RARB: variants seen among roughly 807,000 people sequenced by gnomAD.
The protein encoded by RARB is HBV-activated protein.
Under a neutral mutation model 51.9 loss-of-function variants are expected in RARB, and 17 were observed. That is an observed-to-expected ratio of 0.33 (90% CI 0.22 to 0.49). The LOEUF (loss-of-function observed/expected upper bound fraction) is 0.49, where lower values mean the gene tolerates loss of function less well. RARB is among the 20% of genes least tolerant of loss of function. RARB has a pLI of 0.99. For synonymous variants in RARB, 215 were observed against 195.4 expected (o/e 1.10, Z -0.84); for missense variants, 369 against 550.8 (o/e 0.67, Z 3.30).
At position 25,060,123 on chromosome 3, in the gene RARB, A is replaced by G. The variant is rs1213110323; in HGVS notation, c.-379-2A>G. On this transcript the variant is annotated splice_acceptor_variant, in intron 2 of 11. Transcript: ENST00000383772. LOFTEE classifies it low-confidence loss of function (5UTR_SPLICE). ...TGTCTAATCCAGCCACTTATTTTAC[A>G]GATAAAACAGAGTACTGCAGAGATG... 1 of 151,830 alleles carries G rather than the reference A, an allele frequency of 6.6e-6. No homozygotes were observed. The highest frequency in any genetic ancestry group is 2.4e-5 in the African/African-American group (1 of 41,396). The allele number at this position is 151,830 out of a possible 1,614,324, so 9.4% of individuals were successfully genotyped here. A position where few individuals can be genotyped will look rare whatever the true frequency, so the allele number is the denominator to read the frequency against.
intron 2 of RARB, among the ~76,000 whole-genome samples, chr3:25,026,916 A>T (rs931258669): frequency 6.6e-6 from 1 of 152,214 alleles, no homozygotes; most frequent in African/African-American, 2.4e-5. Context: ...TCGTAGTAAG[A>T]TGATTAGGAA....
At chr3:25,294,684 A>G (rs1273620309) in intron 5 of RARB, among the ~76,000 whole-genome samples, 4 of 147,684 alleles carry the variant, frequency 2.7e-5, no homozygotes, top group Non-Finnish European at 6.0e-5. Context: ...GAGAGAGGAG[A>G]GAGACCATAG....
intron 5 of RARB, among the ~76,000 whole-genome samples, chr3:25,247,198 T>C (rs1407525870): frequency 6.6e-6 from 1 of 152,168 alleles, no homozygotes; most frequent in Non-Finnish European, 1.5e-5. Flanking sequence ...CCCAGGTCGA[T>C]TTTAGAGTTC....
upstream of RARB, chr3:25,428,203 C>T (rs941533134): frequency 1.1e-5 from 14 of 1,220,212 alleles, no homozygotes; most frequent in Non-Finnish European, 1.4e-5. Flanking sequence ...GTTAGCAGCC[C>T]GGGTAGGGTT....
At chr3:25,562,519 G>A (rs1700314971) in intron 3 of RARB, among the ~76,000 whole-genome samples, 1 of 152,178 alleles carries the variant, frequency 6.6e-6, no homozygotes. Context: ...CAGAGGAAAT[G>A]TACAAAGAAG....
intron 5 of RARB, among the ~76,000 whole-genome samples, chr3:25,257,849 C>T (rs1702904248): frequency 6.6e-6 from 1 of 152,056 alleles, no homozygotes; most frequent in South Asian, 2.1e-4. Flanking sequence ...CCCCAAATAC[C>T]ATCCGACATT....
chr3:25,513,902 T>G (rs1575477171), intron 3 of RARB, among the ~76,000 whole-genome samples: 1 of 152,194 alleles, frequency 6.6e-6, no homozygotes, highest in South Asian at 2.1e-4. Flanking sequence ...AAATATTGTA[T>G]GTTTTCATCT....
chr3:25,108,250 A>G (rs1699542612), intron 3 of RARB, among the ~76,000 whole-genome samples: 2 of 152,158 alleles, frequency 1.3e-5, no homozygotes, highest in Admixed American at 6.6e-5. Flanking sequence ...GGTGACTGAA[A>G]CCATGGGAAA....
chr3:25,047,793 A>C (rs1412576419), intron 2 of RARB, among the ~76,000 whole-genome samples: 1 of 152,150 alleles, frequency 6.6e-6, no homozygotes, highest in Non-Finnish European at 1.5e-5. Context: ...TCTCACCTGA[A>C]TTATGCAGGT....
intron 5 of RARB, among the ~76,000 whole-genome samples, chr3:25,316,343 C>G (rs1319532035): frequency 1.3e-5 from 2 of 151,648 alleles, no homozygotes; most frequent in African/African-American, 2.4e-5. Context: ...AAACCACAAC[C>G]CTCTAAAACA....
chr3:24,905,758 G>A (rs1694849354), intron 2 of RARB, among the ~76,000 whole-genome samples: 1 of 152,176 alleles, frequency 6.6e-6, no homozygotes, highest in African/African-American at 2.4e-5. Flanking sequence ...AAGCATCACT[G>A]AGCAGTTGCA....
intron 1 of RARB, among the ~76,000 whole-genome samples, chr3:24,840,218 G>A (rs1159574239): frequency 6.6e-6 from 1 of 152,134 alleles, no homozygotes; most frequent in Non-Finnish European, 1.5e-5. Flanking sequence ...CTGGACACCT[G>A]GCATCTTATC....
At chr3:25,283,820 T>G (rs1052742753) in intron 5 of RARB, among the ~76,000 whole-genome samples, 5 of 152,152 alleles carry the variant, frequency 3.3e-5, no homozygotes, top group African/African-American at 1.2e-4. Flanking sequence ...GCTAAGCAAC[T>G]CTACTTTTGG....
At chr3:25,148,304 T>G (rs1700227277) in intron 4 of RARB, among the ~76,000 whole-genome samples, 1 of 152,218 alleles carries the variant, frequency 6.6e-6, no homozygotes, top group Admixed American at 6.5e-5. Context: ...AATTAATAGA[T>G]GGCAGACATT....
intron 4 of RARB, among the ~76,000 whole-genome samples, chr3:25,162,337 G>A (rs892173597): frequency 7.9e-5 from 12 of 152,056 alleles, no homozygotes; most frequent in African/African-American, 2.7e-4. Context: ...TCAAACTCCT[G>A]GTCTCAAGTA....
chr3:24,867,045 A>T (rs1199416521), intron 2 of RARB, among the ~76,000 whole-genome samples: 1 of 152,098 alleles, frequency 6.6e-6, no homozygotes, highest in African/African-American at 2.4e-5. Flanking sequence ...AAACGTGAAA[A>T]GGCATCTCAA....
chr3:25,329,824 C>G (rs908559007), intron 5 of RARB, among the ~76,000 whole-genome samples: 2 of 152,028 alleles, frequency 1.3e-5, no homozygotes, highest in African/African-American at 4.8e-5. Context: ...CCTTAAATGG[C>G]CTGATGGAGC....
intron 3 of RARB, among the ~76,000 whole-genome samples, chr3:25,092,046 A>G (rs950137637): frequency 2.6e-5 from 4 of 152,142 alleles, no homozygotes; most frequent in African/African-American, 7.2e-5. Flanking sequence ...TTGAATGGCT[A>G]TGCTCTGCCT....
At chr3:25,493,629 C>T (rs1255226634) in intron 2 of RARB, among the ~76,000 whole-genome samples, 1 of 152,144 alleles carries the variant, frequency 6.6e-6, no homozygotes, top group Non-Finnish European at 1.5e-5. Flanking sequence ...AATGCTTTTC[C>T]TTCTTTTGCT....
Sources: allele counts gnomAD v4.1 joint callset (sites outside exome capture counted in the v4.1 genomes callset), GRCh38; gene constraint gnomAD v4.1.1; transcripts MANE v1.5; gene names NCBI Gene and HGNC (gene_info 2026-07-23, HGNC 2026-07-21).